Variants in HDGFL3 observed in about 807,000 individuals in gnomAD.
The protein encoded by HDGFL3 is HDGF like 3.
A neutral mutation model predicts 27.6 loss-of-function variants in HDGFL3; 6 were observed. That is an observed-to-expected ratio of 0.22 (90% CI 0.12 to 0.43). The LOEUF (loss-of-function observed/expected upper bound fraction) is 0.43, where lower values mean the gene tolerates loss of function less well. Ranked by LOEUF, HDGFL3 falls within the 20% of genes least tolerant of loss-of-function variation. The probability of loss-of-function intolerance (pLI) is 1.00; values close to 1 mark genes in which losing one functional copy is unlikely to be tolerated. For missense variants in HDGFL3, 207 were observed against 250.1 expected (o/e 0.83, Z 1.16); for synonymous variants, 88 against 88.9 (o/e 0.99, Z 0.05).
At chr15:83,194,994 A>C (rs1027393531) in intron 1 of HDGFL3, among the ~76,000 whole-genome samples, 1 of 152,228 alleles carries the variant, frequency 6.6e-6, no homozygotes, top group African/African-American at 2.4e-5. Flanking sequence ...ATGCAGTGTT[A>C]TCTCTTTCTA....
intron 1 of HDGFL3, among the ~76,000 whole-genome samples, chr15:83,168,726 T>C (rs555459053): frequency 1.3e-5 from 2 of 152,276 alleles, no homozygotes; most frequent in South Asian, 2.1e-4. Flanking sequence ...ACCAATTCTA[T>C]TGAAACTATC....
intron 5 of HDGFL3, among the ~76,000 whole-genome samples, chr15:83,146,793 C>A (rs1173713362): frequency 1.3e-5 from 2 of 152,336 alleles, no homozygotes; most frequent in South Asian, 2.1e-4. Flanking sequence ...AATTCAACTT[C>A]ATTTCCCAAG....
chr15:83,149,752 T>C (rs2036941129), intron 5 of HDGFL3, among the ~76,000 whole-genome samples: 2 of 151,706 alleles, frequency 1.3e-5, no homozygotes, highest in Non-Finnish European at 2.9e-5. Flanking sequence ...AAGTTAGAGA[T>C]GAAGGGAAAA....
At chr15:83,124,688 A>G (rs779200021), downstream of HDGFL3, 12 of 1,613,984 alleles carry the variant, frequency 7.4e-6, no homozygotes, top group Admixed American at 1.8e-4. Context: ...CAAGAAGCCC[A>G]AGCGAAAGAC....
chr15:83,122,894 T>G (rs2035404102), downstream of HDGFL3: 1 of 1,613,630 alleles, frequency 6.2e-7, no homozygotes, highest in South Asian at 1.1e-5. Flanking sequence ...TTTATTAAGC[T>G]TTGATGTACC....
chr15:83,207,548 G>A lies in HDGFL3; in HGVS notation c.-134C>T, dbSNP rs2037740009. 3.3e-6 allele frequency: 2 copies of A among 608,364 alleles called. No individual in the cohort carries two copies. The highest frequency in any genetic ancestry group is 4.7e-6 in the Non-Finnish European group (2 of 423,296). 37.7% of individuals were successfully genotyped at this position (608,364 alleles called of 1,614,324 possible). On this transcript the variant is annotated 5_prime_UTR_variant, in exon 1 of 6. Transcript: ENST00000299633. The surrounding 1 kb of genome is among the most constrained non-coding windows in gnomAD (Gnocchi z 4.8). ...GCGGACGAGCGGCCGCTCCGACGAG[G>A]GGAAGCGGCGAGGCGGCGGCTGAGG...
At chr15:83,180,396 GA>G (rs1274723646) in intron 1 of HDGFL3, among the ~76,000 whole-genome samples, 4 of 151,848 alleles carry the variant, frequency 2.6e-5, no homozygotes, top group Admixed American at 6.6e-5. Flanking sequence ...AAAACGTAGA[GA>G]AAAAAACATT....
At chr15:83,170,387 T>C (rs1017374773) in intron 1 of HDGFL3, among the ~76,000 whole-genome samples, 1 of 151,880 alleles carries the variant, frequency 6.6e-6, no homozygotes, top group African/African-American at 2.4e-5. Context: ...ACCAATAGAA[T>C]AGAAAAGAGA....
chr15:83,157,392 A>G, intron 4 of HDGFL3, 23 bp downstream of exon 4: 2 of 1,602,872 alleles, frequency 1.2e-6, no homozygotes, highest in Non-Finnish European at 1.7e-6. Context: ...AACATTAATA[A>G]CAATGAGAAG....
At position 83,207,545 on chromosome 15, in the gene HDGFL3, G is replaced by T; in HGVS notation, c.-131C>A. The T allele has an allele frequency of 3.2e-6, 2 of 626,342 alleles. No homozygotes were observed. Among genetic ancestry groups the T allele is most frequent in the African/African-American group, 1.9e-5 (1 of 52,248 alleles). The allele number at this position is 626,342 out of a possible 1,614,324, so 38.8% of individuals were successfully genotyped here. A position where few individuals can be genotyped will look rare whatever the true frequency, so the allele number is the denominator to read the frequency against. ...CGGGCGGACGAGCGGCCGCTCCGAC[G>T]AGGGGAAGCGGCGAGGCGGCGGCTG... On this transcript the variant is annotated 5_prime_UTR_variant, in exon 1 of 6. Coordinates refer to ENST00000299633, the MANE Select transcript of HDGFL3 (RefSeq NM_016073.4). This position sits in a 1 kb window ranked among gnomAD's most constrained non-coding sequence, Gnocchi z 4.8.
chr15:83,192,561 G>T (rs1020733652), intron 1 of HDGFL3, among the ~76,000 whole-genome samples: 5 of 152,174 alleles, frequency 3.3e-5, no homozygotes, highest in African/African-American at 1.2e-4. Flanking sequence ...CATAAGTACA[G>T]GTTAAGACTT....
At chr15:83,178,907 G>C (rs2037347164) in intron 1 of HDGFL3, among the ~76,000 whole-genome samples, 2 of 152,104 alleles carry the variant, frequency 1.3e-5, no homozygotes, top group South Asian at 4.1e-4. Flanking sequence ...TGTGGTGTAA[G>C]ACCTAAAGCT....
intron 3 of HDGFL3, chr15:83,119,797 A>G: frequency 2.0e-6 from 3 of 1,519,228 alleles, no homozygotes; most frequent in South Asian, 1.3e-5. Context: ...ACATGAATAT[A>G]AGTTCCATGG....
At chr15:83,191,722 G>T (rs1208403554) in intron 1 of HDGFL3, among the ~76,000 whole-genome samples, 1 of 151,884 alleles carries the variant, frequency 6.6e-6, no homozygotes, top group South Asian at 2.1e-4. Context: ...TCATTTATTT[G>T]GCTAACTTAT....
chr15:83,160,674 T>G (rs971332776), intron 2 of HDGFL3, among the ~76,000 whole-genome samples: 7 of 152,112 alleles, frequency 4.6e-5, no homozygotes, highest in African/African-American at 1.4e-4. Flanking sequence ...GGGAAATGTG[T>G]AAGCTGGAGA....
chr15:83,122,120 C>A, intron 3 of HDGFL3: 2 of 850,330 alleles, frequency 2.4e-6, no homozygotes, highest in South Asian at 1.6e-5. Context: ...TACTAAAAAC[C>A]TGTTTTGCAG....
chr15:83,119,648 T>C, intron 3 of HDGFL3: 1 of 1,614,198 alleles, frequency 6.2e-7, no homozygotes, highest in Middle Eastern at 1.6e-4. Flanking sequence ...CATTATCTGA[T>C]GTACCTGGTG....
At chr15:83,140,477 G>T (rs911699730) in intron 5 of HDGFL3, among the ~76,000 whole-genome samples, 1 of 102,690 alleles carries the variant, frequency 9.7e-6, no homozygotes, top group African/African-American at 3.9e-5. Flanking sequence ...GTCAACCAAA[G>T]AAAGTTTTTT....
Position 83,133,329 on chromosome 15 carries a change from A to G in HDGFL3, c.*5941T>C, listed in dbSNP as rs1174722092. The G allele has an allele frequency of 1.3e-5, 2 of 152,244 alleles. No homozygotes were observed. The highest frequency in any genetic ancestry group is 2.9e-5 in the Non-Finnish European group (2 of 68,042). The allele number at this position is 152,244 out of a possible 1,614,324, so 9.4% of individuals were successfully genotyped here. On this transcript the variant is annotated 3_prime_UTR_variant, in exon 6 of 6. Transcript: ENST00000299633. Reference sequence around the variant, plus strand: ...CTGCCTATAACATTCACATGGACATATAACACTCTTTCAGTTCCTCCTTGT... The same window carrying G: ...CTGCCTATAACATTCACATGGACATGTAACACTCTTTCAGTTCCTCCTTGT...
Sources: allele counts gnomAD v4.1 joint callset (sites outside exome capture counted in the v4.1 genomes callset), GRCh38; gene constraint gnomAD v4.1.1; non-coding constraint Gnocchi (gnomAD v3.1); transcripts MANE v1.5; gene names NCBI Gene and HGNC (gene_info 2026-07-23, HGNC 2026-07-21).